The following RANBP2 variants were observed in gnomAD, a reference collection of about 807,000 sequenced individuals.
RANBP2 encodes the protein E3 SUMO-protein ligase RanBP2.
RANBP2 carries 57 observed loss-of-function variants against 303.6 expected under a neutral mutation model. That is an observed-to-expected ratio of 0.19 (90% CI 0.15 to 0.23). The LOEUF is 0.23. RANBP2 is among the 10% of genes least tolerant of loss of function. The pLI is 1.00. For synonymous variants in RANBP2, 1,167 were observed against 1,301.5 expected, an observed-to-expected ratio of 0.90 and a Z score of 2.23; for missense variants, 3,138 against 3,780.8, an observed-to-expected ratio of 0.83 and a Z score of 4.46.
the RANBP2 span, among the ~76,000 whole-genome samples, chr2:109,300,697 C>T: frequency 6.6e-6 from 1 of 152,346 alleles, no homozygotes; most frequent in East Asian, 1.9e-4. Context: ...CTTCCTCCTT[C>T]ACCACCTTCC....
chr2:108,725,746 G>T (rs189680646), intron 1 of RANBP2, among the ~76,000 whole-genome samples: 4 of 151,378 alleles, frequency 2.6e-5, no homozygotes, highest in Non-Finnish European at 5.9e-5. Context: ...AAAAAGGAAG[G>T]GGGGAACAAG....
intron 12 of RANBP2, among the ~76,000 whole-genome samples, chr2:108,752,465 A>G (rs1434379773): frequency 1.3e-5 from 2 of 151,970 alleles, no homozygotes; most frequent in Non-Finnish European, 2.9e-5. Flanking sequence ...TGGTATCATT[A>G]GAAGCGTTTA....
the RANBP2 span, among the ~76,000 whole-genome samples, chr2:109,554,108 T>C: frequency 1.3e-5 from 2 of 152,158 alleles, no homozygotes; most frequent in African/African-American, 2.4e-5. Context: ...TAGCTATATA[T>C]ACATTTAAGA....
chr2:109,555,594 C>T, the RANBP2 span, among the ~76,000 whole-genome samples: 1 of 152,182 alleles, frequency 6.6e-6, no homozygotes, highest in Non-Finnish European at 1.5e-5. Flanking sequence ...ACTGCGTCTG[C>T]CATCCAGAAG....
At chr2:109,235,244 T>A in the RANBP2 span, among the ~76,000 whole-genome samples, 173 of 152,310 alleles carry the variant, frequency 1.1e-3, no homozygotes, top group African/African-American at 4.1e-3. Flanking sequence ...CAACCCTGAA[T>A]AGTTCTGGGA....
the RANBP2 span, among the ~76,000 whole-genome samples, chr2:109,726,938 G>C: frequency 6.6e-6 from 1 of 152,184 alleles, no homozygotes; most frequent in African/African-American, 2.4e-5. Flanking sequence ...AGGAGATGGT[G>C]CTTGGCTCCT....
chr2:109,041,682 C>T, the RANBP2 span, among the ~76,000 whole-genome samples: 29 of 142,796 alleles, frequency 2.0e-4, no homozygotes, highest in African/African-American at 5.6e-4. Context: ...CCACCATGCC[C>T]GGCTTTTTTT....
chr2:109,559,284 C>A, the RANBP2 span, among the ~76,000 whole-genome samples: 9 of 152,276 alleles, frequency 5.9e-5, no homozygotes, highest in Admixed American at 4.6e-4. Flanking sequence ...TCACATATGA[C>A]AAAGAACCAG....
chr2:108,898,798 G>A, the RANBP2 span, among the ~76,000 whole-genome samples: 15 of 152,156 alleles, frequency 9.9e-5, no homozygotes, highest in Non-Finnish European at 2.1e-4. Context: ...ACAATAAAAA[G>A]CTCAGTAGAT....
chr2:109,387,676 C>T, the RANBP2 span, among the ~76,000 whole-genome samples: 1 of 152,232 alleles, frequency 6.6e-6, no homozygotes, highest in South Asian at 2.1e-4. Flanking sequence ...ATACTTTTTC[C>T]TCCATGTACT....
the RANBP2 span, among the ~76,000 whole-genome samples, chr2:109,312,803 G>A: frequency 6.6e-6 from 1 of 152,130 alleles, no homozygotes; most frequent in Non-Finnish European, 1.5e-5. Flanking sequence ...TCCACCTTTT[G>A]GCTCTTGTGG....
At chr2:109,460,166 G>C in the RANBP2 span, among the ~76,000 whole-genome samples, 1 of 152,210 alleles carries the variant, frequency 6.6e-6, no homozygotes, top group East Asian at 1.9e-4. Context: ...AGTGCTGTGT[G>C]GAATACCGTG....
chr2:108,730,174 A>C (rs34180619), intron 2 of RANBP2, among the ~76,000 whole-genome samples: 27,976 of 117,156 alleles, frequency 0.24, 4,918 homozygotes, highest in African/African-American at 0.54. Flanking sequence ...GGTCTGGCCT[A>C]ATTTCTCTGA....
chr2:109,000,841 G>A, the RANBP2 span, among the ~76,000 whole-genome samples: 1 of 152,140 alleles, frequency 6.6e-6, no homozygotes, highest in Non-Finnish European at 1.5e-5. Context: ...CACACAGGAT[G>A]AGGAATATGT....
the RANBP2 span, among the ~76,000 whole-genome samples, chr2:109,217,027 A>G: frequency 6.6e-6 from 1 of 152,160 alleles, no homozygotes; most frequent in Non-Finnish European, 1.5e-5. Context: ...GGAATTACAC[A>G]GTATTTATCC....
chr2:108,880,602 C>T, the RANBP2 span, among the ~76,000 whole-genome samples: 73 of 152,286 alleles, frequency 4.8e-4, no homozygotes, highest in African/African-American at 1.7e-3. Flanking sequence ...ATTTGCCATT[C>T]TGTAAATCCT....
the RANBP2 span, chr2:108,804,999 A>T: frequency 6.6e-7 from 1 of 1,525,868 alleles, no homozygotes; most frequent in Non-Finnish European, 8.8e-7. Flanking sequence ...ATGATACCTT[A>T]AAAAAACAGG....
At chr2:109,120,186 G>A in the RANBP2 span, among the ~76,000 whole-genome samples, 1 of 152,212 alleles carries the variant, frequency 6.6e-6, no homozygotes, top group Non-Finnish European at 1.5e-5. Flanking sequence ...TACCTGTAGG[G>A]TGGAGTCACC....
At chr2:108,923,191 G>C in the RANBP2 span, among the ~76,000 whole-genome samples, 2 of 152,158 alleles carry the variant, frequency 1.3e-5, no homozygotes, top group Non-Finnish European at 2.9e-5. Context: ...CTCAGATGTG[G>C]CAAACATCCC....
Sources: gnomAD v4.1 joint callset for allele counts (sites outside exome capture counted in the v4.1 genomes callset) on GRCh38, gnomAD v4.1.1 for gene constraint, MANE v1.5 for transcripts, NCBI Gene and HGNC (gene_info 2026-07-23, HGNC 2026-07-21) for gene names.